The following MAST4 variants were observed in gnomAD, a reference collection of about 807,000 sequenced individuals.
MAST4 encodes the protein microtubule-associated serine/threonine-protein kinase 4.
In MAST4, 89 loss-of-function variants were observed where a neutral mutation model predicts 162.7. That is an observed-to-expected ratio of 0.55 (90% CI 0.46 to 0.65). The LOEUF is 0.65. Among genes scored for constraint, MAST4 ranks in the 30% least tolerant of loss-of-function variants. MAST4 has a pLI of 0.00. For synonymous variants in MAST4, 1,479 were observed against 1,361.1 expected, an observed-to-expected ratio of 1.09 and a Z score of -1.91; for missense variants, 3,153 against 3,374.0, an observed-to-expected ratio of 0.93 and a Z score of 1.62.
At chr5:67,063,160 CTT>C (rs112267391) in intron 5 of MAST4, among the ~76,000 whole-genome samples, 4 of 146,316 alleles carry the variant, frequency 2.7e-5, no homozygotes, top group Non-Finnish European at 3.0e-5. Context: ...GCTGTACTCA[CTT>C]TTTTTTTTTT....
Position 67,142,520 on chromosome 5 carries a change from A to G in MAST4, c.2717A>G (p.His906Arg). The G allele has an allele frequency of 1.9e-6, 3 of 1,575,620 alleles. No homozygotes were observed. The highest frequency in any genetic ancestry group is 2.6e-6 in the Non-Finnish European group (3 of 1,158,414). The change falls in exon 21 of 29, where the codon CAC (histidine) becomes CGC (arginine). Residue 906 changes from histidine (H) to arginine (R), a missense_variant. His to Arg is a conservative substitution (Grantham distance 29). Around this residue, in one of 7 missense-constraint regions of MAST4, gnomAD observed 619 missense variants for 744.2 expected, o/e 0.83. Transcript: ENST00000403625. ...VEIRQFSSCSHRFSKVFSSID... is the reference protein window; with the variant it reads ...VEIRQFSSCSRRFSKVFSSID... ...ATAAGGCAGTTTTCTTCATGTTCAC[A>G]CAGGTTTTCAAAAGTAAGTGAAATG...
intron 1 of MAST4, among the ~76,000 whole-genome samples, chr5:66,606,921 CTCATTTAAATATTAAA>C (rs1308768686): frequency 5.3e-5 from 8 of 151,736 alleles, no homozygotes; most frequent in African/African-American, 1.9e-4. Flanking sequence ...TATGAATTTA[CTCATTTAAATATTAAA>C]TGAGTATATG....
rs1319693647 is a variant in MAST4, at chr5:67,079,539, A to G, written c.764-10623A>G. Among the ~76,000 whole-genome samples the G allele has an allele frequency of 4.6e-5, 7 of 152,188 alleles. No homozygotes were observed. The South Asian group carries it at 1.2e-3, about 27-fold the overall frequency. On this transcript the variant is annotated intron_variant, in intron 5 of 28. Coordinates refer to ENST00000403625, the MANE Select transcript of MAST4 (RefSeq NM_001164664.2). ...CGCAAAGTCTGGTACAGAGCCTGAC[A>G]CAAGTGTTTGAATGAACCAGTGAAT...
intron 1 of MAST4, among the ~76,000 whole-genome samples, chr5:66,632,651 T>C (rs564185066): frequency 2.0e-5 from 3 of 152,274 alleles, no homozygotes; most frequent in African/African-American, 7.2e-5. Flanking sequence ...TAAAGTGAGC[T>C]CTCTCTGTGT....
intron 3 of MAST4, among the ~76,000 whole-genome samples, chr5:66,795,255 A>C (rs960720101): frequency 6.6e-6 from 1 of 152,258 alleles, no homozygotes; most frequent in Non-Finnish European, 1.5e-5. Context: ...ACTCAATTTA[A>C]AGGCTGCATA....
At chr5:66,623,017 C>T (rs1019626701) in intron 1 of MAST4, 7 of 152,216 alleles carry the variant, frequency 4.6e-5, no homozygotes, top group African/African-American at 1.4e-4. Flanking sequence ...CTTTGTGCTA[C>T]TATGGGTCCC....
At chr5:66,963,723 C>T (rs751662849) in intron 4 of MAST4, 32 of 779,720 alleles carry the variant, frequency 4.1e-5, no homozygotes, top group Admixed American at 3.2e-4. Flanking sequence ...TCCCAGGAGC[C>T]TGAGTCCAAC....
At chr5:66,937,516 T>C (rs1742882541) in intron 4 of MAST4, among the ~76,000 whole-genome samples, 1 of 152,170 alleles carries the variant, frequency 6.6e-6, no homozygotes, top group African/African-American at 2.4e-5. Context: ...TACTTAGTAA[T>C]CCTCCTCTCC....
intron 1 of MAST4, among the ~76,000 whole-genome samples, chr5:66,604,880 T>C (rs1168548359): frequency 6.6e-6 from 1 of 152,208 alleles, no homozygotes; most frequent in Non-Finnish European, 1.5e-5. Flanking sequence ...TGGGTTAAAA[T>C]TGGAGGTTAA....
At chr5:66,614,006 G>A (rs1191868966) in intron 1 of MAST4, among the ~76,000 whole-genome samples, 1 of 152,184 alleles carries the variant, frequency 6.6e-6, no homozygotes, top group Non-Finnish European at 1.5e-5. Flanking sequence ...GCAGCCAAGG[G>A]GACTGGTGAA....
chr5:66,682,484 G>C (rs932129441), intron 1 of MAST4, among the ~76,000 whole-genome samples: 1 of 152,196 alleles, frequency 6.6e-6, no homozygotes, highest in Admixed American at 6.5e-5. Flanking sequence ...TAGGGCTCTG[G>C]AGTCAGATCT....
intron 5 of MAST4, among the ~76,000 whole-genome samples, chr5:67,083,763 G>A (rs1340091981): frequency 6.6e-6 from 1 of 152,130 alleles, no homozygotes; most frequent in Non-Finnish European, 1.5e-5. Context: ...TGTTACAGTG[G>A]CTATGTTCTT....
chr5:66,963,288 T>C (rs1235691235), intron 4 of MAST4, among the ~76,000 whole-genome samples: 2 of 152,234 alleles, frequency 1.3e-5, no homozygotes, highest in Non-Finnish European at 1.5e-5. Flanking sequence ...TAAAAACGCA[T>C]CTTCCTATGG....
intron 3 of MAST4, among the ~76,000 whole-genome samples, chr5:66,851,094 G>A (rs768339417): frequency 3.3e-5 from 5 of 152,054 alleles, no homozygotes; most frequent in African/African-American, 4.8e-5. Flanking sequence ...TTACAATTTC[G>A]AATGGTTTCA....
At chr5:66,730,930 T>C (rs1276831367) in intron 1 of MAST4, among the ~76,000 whole-genome samples, 1 of 152,014 alleles carries the variant, frequency 6.6e-6, no homozygotes, top group Non-Finnish European at 1.5e-5. Context: ...GAGACTAGAA[T>C]GGGGGAGTTG....
chr5:66,713,948 C>G (rs904734703), intron 1 of MAST4, among the ~76,000 whole-genome samples: 1 of 152,084 alleles, frequency 6.6e-6, no homozygotes, highest in Non-Finnish European at 1.5e-5. Flanking sequence ...CTCATAAATA[C>G]CTTATATATA....
chr5:67,145,620 G>C (rs1770991468), intron 23 of MAST4, among the ~76,000 whole-genome samples: 1 of 152,158 alleles, frequency 6.6e-6, no homozygotes, highest in South Asian at 2.1e-4. Flanking sequence ...TTGACCTTGG[G>C]GCCAAACTTC....
intron 1 of MAST4, among the ~76,000 whole-genome samples, chr5:66,688,897 T>G (rs1253120494): frequency 6.6e-6 from 1 of 152,062 alleles, no homozygotes; most frequent in Non-Finnish European, 1.5e-5. Flanking sequence ...GGACCAGGGA[T>G]GTAGTTAACT....
At chr5:66,819,702 T>G (rs1580530869) in intron 3 of MAST4, among the ~76,000 whole-genome samples, 1 of 152,148 alleles carries the variant, frequency 6.6e-6, no homozygotes, top group East Asian at 1.9e-4. Context: ...TTACATTTTT[T>G]GTTTTTTTGG....
Sources: gnomAD v4.1 joint callset for allele counts (sites outside exome capture counted in the v4.1 genomes callset) on GRCh38, gnomAD v4.1.1 for gene constraint, gnomAD v4.1.1 regional missense constraint, MANE v1.5 for transcripts, NCBI Gene and HGNC (gene_info 2026-07-23, HGNC 2026-07-21) for gene names.